Variants in CPEB1 observed in about 807,000 individuals in gnomAD.
CPEB1 encodes the protein cytoplasmic polyadenylation element binding protein 1.
CPEB1 carries 7 observed loss-of-function variants against 65.8 expected under a neutral mutation model. That is an observed-to-expected ratio of 0.11 (90% CI 0.06 to 0.20). The LOEUF (loss-of-function observed/expected upper bound fraction) is 0.20. Ranked by LOEUF, CPEB1 falls within the 10% of genes least tolerant of loss-of-function variation. The pLI is 1.00. For missense variants in CPEB1, 551 were observed against 712.2 expected (o/e 0.77, Z 2.58); for synonymous variants, 262 against 260.0 (o/e 1.01, Z -0.08).
chr15:82,629,566 T>A, intron 1 of CPEB1: 3 of 985,376 alleles, frequency 3.0e-6, no homozygotes, highest in Non-Finnish European at 3.6e-6. Context: ...GTAGGTACCA[T>A]TCTTCACTCC....
chr15:82,602,353 CG>C (rs2043188660), intron 3 of CPEB1, among the ~76,000 whole-genome samples: 1 of 151,974 alleles, frequency 6.6e-6, no homozygotes, highest in African/African-American at 2.4e-5. Context: ...CCATGCTGAG[CG>C]GGAAATTTAT....
intron 3 of CPEB1, among the ~76,000 whole-genome samples, chr15:82,617,558 C>G (rs1246004390): frequency 1.3e-5 from 2 of 151,926 alleles, no homozygotes; most frequent in African/African-American, 4.8e-5. Context: ...TAAGAAAATC[C>G]AAATAAAATA....
Position 82,549,586 on chromosome 15 carries a change from T to G in CPEB1, c.1354A>C (p.Arg452=), listed in dbSNP as rs761972961. The stretch of plus-strand genomic sequence containing the variant: ...TGCAGAGCACCGACAAACACCGTCC[T>G]GCTGGGGTCAAGCCTCTGAGATGGG... ...RSPSQRLDPS[R]TVFVGALHGM... Residue 452 remains arginine, a synonymous_variant, in exon 10 of 13, where the codon AGG becomes CGG. Coordinates refer to ENST00000684509, the MANE Select transcript of CPEB1 (RefSeq NM_001365242.1). 8.1e-6 allele frequency: 13 copies of G among 1,614,070 alleles called. No individual in the cohort carries two copies. Among genetic ancestry groups the G allele is most frequent in the Non-Finnish European group, 5.1e-6 (6 of 1,180,050 alleles).
chr15:82,561,129 T>G (rs1411216966), intron 4 of CPEB1, among the ~76,000 whole-genome samples: 4 of 152,170 alleles, frequency 2.6e-5, no homozygotes, highest in Non-Finnish European at 5.9e-5. Flanking sequence ...CATTGAAGAT[T>G]AAGAGCTCTG....
At chr15:82,629,430 C>T (rs1215122669) in intron 1 of CPEB1, 8 of 982,318 alleles carry the variant, frequency 8.1e-6, no homozygotes, top group East Asian at 1.1e-4. Context: ...AAGACATTAC[C>T]GAATGAAAAA....
At chr15:82,553,224 G>A (rs573868191) in intron 8 of CPEB1, among the ~76,000 whole-genome samples, 1 of 152,186 alleles carries the variant, frequency 6.6e-6, no homozygotes, top group African/African-American at 2.4e-5. Flanking sequence ...GTACAAGGAA[G>A]GGGTTTCAGA....
At chr15:82,572,806 G>A (rs2040218248) in intron 3 of CPEB1, among the ~76,000 whole-genome samples, 1 of 152,208 alleles carries the variant, frequency 6.6e-6, no homozygotes, top group South Asian at 2.1e-4. Context: ...CAGAGGTGCT[G>A]CACAAGACCA....
chr15:82,548,478 G>A (rs925041525), intron 10 of CPEB1, among the ~76,000 whole-genome samples: 6 of 152,192 alleles, frequency 3.9e-5, no homozygotes, highest in Non-Finnish European at 5.9e-5. Flanking sequence ...TCATGTTAGC[G>A]TGAACCATTC....
intron 3 of CPEB1, chr15:82,573,090 C>T: frequency 6.5e-7 from 1 of 1,535,586 alleles, no homozygotes; most frequent in Non-Finnish European, 8.7e-7. Context: ...GGGAAGCATG[C>T]CCACCTGGGA....
chr15:82,574,723 A>G (rs12442715), intron 3 of CPEB1, among the ~76,000 whole-genome samples: 4 of 44,366 alleles, frequency 9.0e-5, no homozygotes, highest in Non-Finnish European at 1.5e-4. Context: ...ACTCGGTCTC[A>G]AAAAAAAAAA....
At chr15:82,617,603 G>C (rs1465613440) in intron 3 of CPEB1, among the ~76,000 whole-genome samples, 2 of 151,820 alleles carry the variant, frequency 1.3e-5, no homozygotes, top group African/African-American at 2.4e-5. Context: ...CACTAGGTGT[G>C]ACAAATGCAC....
intron 1 of CPEB1, chr15:82,629,822 G>A (rs1200123084): frequency 3.0e-6 from 3 of 985,306 alleles, no homozygotes; most frequent in Non-Finnish European, 2.4e-6. Context: ...GTGAGCATGA[G>A]AATGACCAAG....
intron 3 of CPEB1, among the ~76,000 whole-genome samples, chr15:82,620,356 C>A (rs1030411623): frequency 6.7e-6 from 1 of 149,410 alleles, no homozygotes; most frequent in East Asian, 2.0e-4. Context: ...ACCTGGGAGG[C>A]GGAGGATGCA....
chr15:82,583,390 A>C (rs1378874317), intron 3 of CPEB1: 1 of 152,216 alleles, frequency 6.6e-6, no homozygotes, highest in Non-Finnish European at 1.5e-5. Flanking sequence ...CACTGTTCAA[A>C]TTGGGGTCTG....
intron 6 of CPEB1, 121 bp from the exon 7 acceptor site, chr15:82,554,112 G>A (rs1472191457): frequency 1.7e-6 from 1 of 583,448 alleles, no homozygotes; most frequent in East Asian, 3.0e-5. Flanking sequence ...CCAGATGCCT[G>A]AGAGAATATC....
Position 82,582,499 on chromosome 15 carries a change from T to C in CPEB1, c.272-10967A>G, listed in dbSNP as rs1356092727. ...AGCACACAAGGCTCAGAGATGGCCA[T>C]AAGCGACAAAGCTACTAAAAGGCAG... On this transcript the variant is annotated intron_variant, in intron 3 of 12. Transcript: ENST00000684509. Among the ~76,000 whole-genome samples, 4 of 152,158 alleles carry C rather than the reference T, an allele frequency of 2.6e-5. No individual in the cohort carries two copies. In the East Asian group the frequency reaches 5.8e-4, roughly 22 times the overall value.
chr15:82,592,540 T>A (rs1270766528), intron 3 of CPEB1, among the ~76,000 whole-genome samples: 2 of 146,690 alleles, frequency 1.4e-5, no homozygotes, highest in Non-Finnish European at 3.0e-5. Context: ...ATTACACTAC[T>A]GCACTCCAGC....
chr15:82,631,043 A>G (rs1313539830), intron 1 of CPEB1, among the ~76,000 whole-genome samples: 2 of 152,328 alleles, frequency 1.3e-5, no homozygotes, highest in Admixed American at 6.5e-5. Context: ...CAGCAACTAC[A>G]TGACAGATAA....
intron 3 of CPEB1, among the ~76,000 whole-genome samples, chr15:82,603,802 T>C (rs1457756305): frequency 3.9e-5 from 6 of 152,166 alleles, no homozygotes; most frequent in Non-Finnish European, 1.5e-5. Flanking sequence ...TTTACAGAAC[T>C]AGCTGAGAAG....
Sources: allele counts gnomAD v4.1 joint callset (sites outside exome capture counted in the v4.1 genomes callset), GRCh38; gene constraint gnomAD v4.1.1; transcripts MANE v1.5; gene names NCBI Gene and HGNC (gene_info 2026-07-23, HGNC 2026-07-21).